Variants in TMCO1 observed in about 807,000 individuals in gnomAD.
The protein encoded by TMCO1 is transmembrane and coiled-coil domains 1.
In TMCO1, 29 loss-of-function variants were observed where a neutral mutation model predicts 29.3. That is an observed-to-expected ratio of 0.99 (90% CI 0.74 to 1.35). The LOEUF is 1.35. Ranked by LOEUF, TMCO1 falls within the 40% of genes most tolerant of loss-of-function variation. The pLI is 0.00. For missense variants in TMCO1, 173 were observed against 225.5 expected, an observed-to-expected ratio of 0.77 and a Z score of 1.49; for synonymous variants, 80 against 77.1, an observed-to-expected ratio of 1.04 and a Z score of -0.20.
At chr1:165,729,491 A>AT (rs1025903759) in intron 6 of TMCO1, among the ~76,000 whole-genome samples, 14 of 150,686 alleles carry the variant, frequency 9.3e-5, no homozygotes, top group East Asian at 1.9e-4. Context: ...TAATTTTTGT[A>AT]TTTTTTTTAG....
chr1:165,761,778 G>A (rs780995639), intron 2 of TMCO1, among the ~76,000 whole-genome samples: 65 of 151,420 alleles, frequency 4.3e-4, no homozygotes, highest in African/African-American at 1.2e-3. Flanking sequence ...GTGAAACCTC[G>A]TCTCTACCAA....
At chr1:165,747,861 T>A (rs1356025654) in intron 5 of TMCO1, among the ~76,000 whole-genome samples, 1 of 152,036 alleles carries the variant, frequency 6.6e-6, no homozygotes, top group East Asian at 1.9e-4. Flanking sequence ...AGAAGACTGT[T>A]AAAAGTAAAA....
chr1:165,733,526 C>T (rs947136049), intron 6 of TMCO1, among the ~76,000 whole-genome samples: 21 of 151,508 alleles, frequency 1.4e-4, no homozygotes, highest in African/African-American at 4.4e-4. Context: ...ATTTGAAACC[C>T]GGGAGGCAGA....
chr1:165,743,913 T>A (rs1226933821), intron 5 of TMCO1, among the ~76,000 whole-genome samples: 1 of 151,078 alleles, frequency 6.6e-6, no homozygotes, highest in Non-Finnish European at 1.5e-5. Context: ...CAGGCCAGAG[T>A]GCAGTGTCGC....
intron 2 of TMCO1, 143 bp from the exon 3 acceptor site, chr1:165,759,727 TC>T: frequency 1.5e-6 from 1 of 674,432 alleles, no homozygotes; most frequent in Non-Finnish European, 2.6e-6. Context: ...AGTTAACTGG[TC>T]CACTCTCATA....
chr1:165,753,595 T>C (rs1361924111), intron 4 of TMCO1, among the ~76,000 whole-genome samples: 1 of 150,622 alleles, frequency 6.6e-6, no homozygotes, highest in African/African-American at 2.5e-5. Context: ...TCAAGATCAG[T>C]GTGCCCAGGA....
intron 6 of TMCO1, among the ~76,000 whole-genome samples, chr1:165,731,857 C>A (rs1398035856): frequency 6.6e-6 from 1 of 152,216 alleles, no homozygotes; most frequent in Non-Finnish European, 1.5e-5. Flanking sequence ...GTGGCTCTTG[C>A]CACAGACCCG....
At chr1:165,755,045 A>C (rs1438680638) in intron 3 of TMCO1, 2 of 152,196 alleles carry the variant, frequency 1.3e-5, no homozygotes, top group Non-Finnish European at 2.9e-5. Flanking sequence ...TAAGTAGTGA[A>C]CCTTTAGAAT....
chr1:165,745,808 A>G (rs1222682265), intron 5 of TMCO1, among the ~76,000 whole-genome samples: 4 of 152,238 alleles, frequency 2.6e-5, no homozygotes, highest in Admixed American at 2.6e-4. Flanking sequence ...TCTAAGACAC[A>G]ATATTTTTTT....
At chr1:165,735,495 C>T (rs10918271) in intron 6 of TMCO1, among the ~76,000 whole-genome samples, 42,683 of 149,356 alleles carry the variant, frequency 0.29, 6,229 homozygotes, top group South Asian at 0.38. Context: ...AAACTCTGCC[C>T]CCAAATCTCT....
chr1:165,755,324 A>G (rs1222833832), intron 3 of TMCO1, among the ~76,000 whole-genome samples: 1 of 152,222 alleles, frequency 6.6e-6, no homozygotes, highest in Non-Finnish European at 1.5e-5. Flanking sequence ...GAATGAGTGT[A>G]TAAATTCAGG....
chr1:165,751,622 T>G (rs1651996091), intron 5 of TMCO1, among the ~76,000 whole-genome samples: 1 of 151,662 alleles, frequency 6.6e-6, no homozygotes, highest in Admixed American at 6.6e-5. Context: ...GAGAATCGCT[T>G]GAACGCAGGA....
chr1:165,755,782 C>A (rs1652171384), intron 3 of TMCO1, among the ~76,000 whole-genome samples: 1 of 152,192 alleles, frequency 6.6e-6, no homozygotes, highest in South Asian at 2.1e-4. Context: ...TGGCACCATA[C>A]CTTGTTGAAG....
chr1:165,735,629 C>T (rs1224425105), intron 6 of TMCO1, among the ~76,000 whole-genome samples: 2 of 151,724 alleles, frequency 1.3e-5, no homozygotes, highest in African/African-American at 4.8e-5. Flanking sequence ...ATTCTCATGC[C>T]TCAGCCTCCT....
At chr1:165,741,934 C>G (rs2101797450) in intron 6 of TMCO1, among the ~76,000 whole-genome samples, 1 of 152,338 alleles carries the variant, frequency 6.6e-6, no homozygotes, top group African/African-American at 2.4e-5. Flanking sequence ...TGAGCAGATG[C>G]TAGCATCATG....
chr1:165,741,665 C>A (rs1651600352), intron 6 of TMCO1, among the ~76,000 whole-genome samples: 2 of 152,122 alleles, frequency 1.3e-5, no homozygotes, highest in African/African-American at 4.8e-5. Flanking sequence ...ATTTGATTTC[C>A]CATTGATTCT....
Position 165,743,291 on chromosome 1 carries a change from G to A in TMCO1, c.344C>T (p.Ala115Val). ...FNSIFDGRVV[A>V]KLPFTPLSYI... ...AGAAAGAGGGGTAAAAGGAAGCTTT[G>A]CCACCACTCTACCATCAAATCTAAA... Residue 115 changes from alanine (A) to valine (V), a missense_variant, in exon 6 of 7, where the codon GCA becomes GTA. By Grantham distance (64) the Ala-to-Val change is moderately conservative (BLOSUM62 0). Transcript: ENST00000367881. 1 of 1,611,046 alleles carries A rather than the reference G, an allele frequency of 6.2e-7. No homozygotes were observed. Among genetic ancestry groups the A allele is most frequent in the Non-Finnish European group, 8.5e-7 (1 of 1,179,238 alleles).
At chr1:165,762,833 A>G (rs972554849) in intron 2 of TMCO1, among the ~76,000 whole-genome samples, 5 of 152,194 alleles carry the variant, frequency 3.3e-5, no homozygotes, top group African/African-American at 1.2e-4. Context: ...AGTGCTCTCA[A>G]ATAAACAACT....
Position 165,727,830 on chromosome 1 carries a change from T to C in TMCO1, c.*193A>G, listed in dbSNP as rs1571206076. The C allele has an allele frequency of 1.9e-6, 1 of 523,894 alleles. No homozygotes were observed. The highest frequency in any genetic ancestry group is 3.7e-6 in the Non-Finnish European group (1 of 271,918). 32.5% of individuals were successfully genotyped at this position (523,894 alleles called of 1,614,324 possible). On this transcript the variant is annotated 3_prime_UTR_variant, in exon 7 of 7. Coordinates refer to ENST00000367881, the MANE Select transcript of TMCO1 (RefSeq NM_019026.6). ...CAATCCACTTATTTGATAAAAATCA[T>C]CTAGGACCAAAAGCACTATCAAGTT... is the stretch of plus-strand genomic sequence containing the variant.
Sources: allele counts gnomAD v4.1 joint callset (sites outside exome capture counted in the v4.1 genomes callset), GRCh38; gene constraint gnomAD v4.1.1; transcripts MANE v1.5; gene names NCBI Gene and HGNC (gene_info 2026-07-23, HGNC 2026-07-21).